MBD2: variants seen among roughly 807,000 people sequenced by gnomAD.
MBD2 encodes methyl-CpG binding domain protein 2.
Under a neutral mutation model 39.3 loss-of-function variants are expected in MBD2, and 9 were observed. The ratio of observed to expected loss-of-function variants is 0.23; its 90% CI spans 0.14 to 0.40. The LOEUF is 0.40. Ranked by LOEUF, MBD2 falls within the 10% of genes least tolerant of loss-of-function variation. MBD2 has a pLI of 1.00. For synonymous variants in MBD2, 233 were observed against 211.1 expected, an observed-to-expected ratio of 1.10 and a Z score of -0.90; for missense variants, 458 against 532.6, an observed-to-expected ratio of 0.86 and a Z score of 1.38.
rs1383433801 is a variant in MBD2 at position 54,168,622 on chromosome 18, T to C, written c.841-2456A>G. ...ATTTATGTATGCATATTTGTGTGTG[T>C]GTGTGTGTGTGTGTGTGTGTGTGTG... On this transcript the variant is annotated intron_variant, in intron 3 of 6. Transcript: ENST00000256429. Among the ~76,000 whole-genome samples the C allele has an allele frequency of 2.0e-3, 84 of 41,108 alleles. No individual in the cohort carries two copies. In the African/African-American group the frequency reaches 0.026, roughly 13 times the overall value. The allele number at this position is 41,108 out of a possible 152,430, so 27.0% of individuals were successfully genotyped here.
chr18:54,218,692 G>A (rs2086583086), intron 1 of MBD2, among the ~76,000 whole-genome samples: 1 of 152,192 alleles, frequency 6.6e-6, no homozygotes, highest in Non-Finnish European at 1.5e-5. Flanking sequence ...GCTGGGCGCG[G>A]TGGCTCACGC....
rs1377958313 is a variant in MBD2 at position 54,224,001 on chromosome 18, C to T, written c.542+17G>A. On this transcript the variant is annotated intron_variant, in intron 1 of 6. Transcript: ENST00000256429. The stretch of plus-strand genomic sequence containing the variant: ...CGGCCTGACCCCGCCACCCCCTCCC[C>T]GCCCCCAGGGAGGTACCTGAAGTAG... The T allele has an allele frequency of 1.3e-6, 2 of 1,590,230 alleles. No individual in the cohort carries two copies. The highest frequency in any genetic ancestry group is 1.7e-6 in the Non-Finnish European group (2 of 1,166,174).
At chr18:54,212,267 T>C (rs1450631527) in intron 1 of MBD2, among the ~76,000 whole-genome samples, 1 of 152,124 alleles carries the variant, frequency 6.6e-6, no homozygotes, top group Non-Finnish European at 1.5e-5. Context: ...CAATCCACCT[T>C]ATATACTACC....
intron 3 of MBD2, among the ~76,000 whole-genome samples, chr18:54,183,601 C>A (rs1204323870): frequency 6.6e-6 from 1 of 152,180 alleles, no homozygotes; most frequent in Non-Finnish European, 1.5e-5. Flanking sequence ...CAAGGAACAT[C>A]AGCAATTCTG....
chr18:54,201,079 CAA>C (rs11293678), intron 2 of MBD2, among the ~76,000 whole-genome samples: 85 of 95,068 alleles, frequency 8.9e-4, no homozygotes, highest in African/African-American at 2.7e-3. Flanking sequence ...GACCCCGTCT[CAA>C]AAAAAAAAAA....
chr18:54,157,322 G>A (rs1323889364), intron 6 of MBD2, among the ~76,000 whole-genome samples: 7 of 151,388 alleles, frequency 4.6e-5, no homozygotes, highest in African/African-American at 9.7e-5. Flanking sequence ...GTGCAGTGGC[G>A]CGATCTCGGC....
intron 3 of MBD2, among the ~76,000 whole-genome samples, chr18:54,179,190 A>G (rs623876): frequency 6.6e-6 from 1 of 152,216 alleles, no homozygotes; most frequent in Non-Finnish European, 1.5e-5. Flanking sequence ...ACCTTGTCTC[A>G]AAAACAAAGA....
In MBD2 at chr18:54,188,997, C is replaced by A. The variant is rs550954262; in HGVS notation, c.717G>T (p.Leu239Phe). The A allele has an allele frequency of 1.9e-6, 3 of 1,605,468 alleles. No individual in the cohort carries two copies. The highest frequency in any genetic ancestry group is 2.7e-5 in the African/African-American group (2 of 74,934). ...PLNQNKGKPD[L>F]NTTLPIRQTA... ...TTTGTCTAATTGGCAATGTTGTATT[C>A]AAGTCTGGTTTACCCTGTGAATATA... The change falls in exon 3 of 7, where the codon TTG becomes TTT. Residue 239 changes from leucine (L) to phenylalanine (F), a missense_variant. Leu to Phe is a conservative substitution (Grantham distance 22). This residue lies in a region of MBD2 where 189 missense variants were observed against 296.6 expected (regional missense o/e 0.64). Transcript: ENST00000256429.
At chr18:54,210,673 T>C (rs2086496377) in intron 1 of MBD2, among the ~76,000 whole-genome samples, 1 of 152,106 alleles carries the variant, frequency 6.6e-6, no homozygotes, top group South Asian at 2.1e-4. Flanking sequence ...TAAGATGAAA[T>C]GGCCTGTGAG....
chr18:54,215,150 T>C (rs577940270), intron 1 of MBD2, among the ~76,000 whole-genome samples: 2 of 152,346 alleles, frequency 1.3e-5, no homozygotes, highest in East Asian at 3.9e-4. Context: ...CCCGATCTTC[T>C]GACTCAAAAG....
At chr18:54,213,668 G>A (rs2086530277) in intron 1 of MBD2, among the ~76,000 whole-genome samples, 2 of 152,188 alleles carry the variant, frequency 1.3e-5, no homozygotes, top group Non-Finnish European at 2.9e-5. Context: ...CAGAAATTAA[G>A]TATGTTTGGG....
In MBD2 at chr18:54,208,384, C is replaced by A. The variant is rs569293373; in HGVS notation, c.543-3227G>T. 2.0e-5 allele frequency among the ~76,000 whole-genome samples: 3 copies of A among 152,152 alleles called. No individual in the cohort carries two copies. In the East Asian group the frequency reaches 5.8e-4, roughly 30 times the overall value. ...ACGCATGCCTCTAACCCCAGCTACT[C>A]GGGAGGCTGAGGCAGGAGAATCGCT... is the stretch of plus-strand genomic sequence containing the variant. On this transcript the variant is annotated intron_variant, in intron 1 of 6. Transcript: ENST00000256429.
Position 54,224,299 on chromosome 18 carries a change from TCCCCGTCCCCGGCCACGGCCCCGG to T in MBD2, c.237_260del (p.Gly89_Arg96del). 2.1e-6 allele frequency: 2 copies of T among 931,464 alleles called. No individual in the cohort carries two copies. The highest frequency in any genetic ancestry group is 2.5e-6 in the Non-Finnish European group (2 of 786,408). 57.7% of individuals were successfully genotyped at this position (931,464 alleles called of 1,614,324 possible). ...GGCCGCGGCCCCGGCCCCGGCCCCG[TCCCCGTCCCCGGCCACGGCCCCGG>T]CCCCGGCCACGGCCACAGACGCCGC... On this transcript the variant is annotated inframe_deletion, in exon 1 of 7. Transcript: ENST00000256429.
rs1292052435 is a variant in MBD2, at chr18:54,153,193, G to A, written c.*2131C>T. 1 of 152,354 alleles carries A rather than the reference G, an allele frequency of 6.6e-6. No homozygotes were observed. The highest frequency in any genetic ancestry group is 1.5e-5 in the Non-Finnish European group (1 of 68,108). The allele number at this position is 152,354 out of a possible 1,614,324, so 9.4% of individuals were successfully genotyped here. A position where few individuals can be genotyped will look rare whatever the true frequency, so the allele number is the denominator to read the frequency against. On this transcript the variant is annotated 3_prime_UTR_variant, in exon 7 of 7. Coordinates refer to ENST00000256429, the MANE Select transcript of MBD2 (RefSeq NM_003927.5). ...GGGGTGCAGTCAGTAGTTCTAATAGGATTGATGAGAAGTCAGAAGCAAGGG... is the reference window on the plus strand; with the variant it reads ...GGGGTGCAGTCAGTAGTTCTAATAGAATTGATGAGAAGTCAGAAGCAAGGG...
chr18:54,216,714 G>C (rs1260775454), intron 1 of MBD2, among the ~76,000 whole-genome samples: 6 of 151,774 alleles, frequency 4.0e-5, no homozygotes, highest in Non-Finnish European at 8.8e-5. Context: ...CATTCTTCCA[G>C]TATAAAAATA....
intron 1 of MBD2, among the ~76,000 whole-genome samples, chr18:54,215,143 G>C (rs955432461): frequency 3.9e-5 from 6 of 152,144 alleles, no homozygotes; most frequent in African/African-American, 1.4e-4. Flanking sequence ...TACAAGCCCC[G>C]ATCTTCTGAC....
At position 54,224,314 on chromosome 18, in the gene MBD2, A is replaced by G. The variant is rs1196329578; in HGVS notation, c.246T>C (p.Arg82=). 7 of 945,816 alleles carry G rather than the reference A, an allele frequency of 7.4e-6. No homozygotes were observed. Among genetic ancestry groups the G allele is most frequent in the Non-Finnish European group, 8.8e-6 (7 of 796,440 alleles). 58.6% of individuals were successfully genotyped at this position (945,816 alleles called of 1,614,324 possible). Residue 82 remains arginine, a synonymous_variant, in exon 1 of 7, where the codon CGT becomes CGC. Coordinates refer to ENST00000256429, the MANE Select transcript of MBD2 (RefSeq NM_003927.5). ...CCCGGCCCCGTCCCCGTCCCCGGCC[A>G]CGGCCCCGGCCCCGGCCACGGCCAC... The part of the protein sequence containing the change: ...GVCGRGRGRG[R]GRGRGRGRGR...
chr18:54,205,513 C>CA (rs1252311149), intron 1 of MBD2, among the ~76,000 whole-genome samples: 7 of 149,918 alleles, frequency 4.7e-5, no homozygotes, highest in Non-Finnish European at 1.0e-4. Flanking sequence ...ATCGCTTGAA[C>CA]TCAGGAGGTG....
chr18:54,193,080 G>T (rs1440115555), intron 2 of MBD2, among the ~76,000 whole-genome samples: 1 of 152,180 alleles, frequency 6.6e-6, no homozygotes, highest in Non-Finnish European at 1.5e-5. Flanking sequence ...TGTAAAGCTG[G>T]ACTAACTAGT....
Sources: allele counts gnomAD v4.1 joint callset (sites outside exome capture counted in the v4.1 genomes callset), GRCh38; gene constraint gnomAD v4.1.1; regional missense constraint gnomAD v4.1.1; transcripts MANE v1.5; gene names NCBI Gene and HGNC (gene_info 2026-07-23, HGNC 2026-07-21).